The following DSCAML1 variants were observed in gnomAD, a reference collection of about 807,000 sequenced individuals.
The protein encoded by DSCAML1 is cell adhesion molecule DSCAML1.
In DSCAML1, 38 loss-of-function variants were observed where a neutral mutation model predicts 200.5. The ratio of observed to expected loss-of-function variants is 0.19; its 90% CI spans 0.15 to 0.25. The LOEUF is 0.25. Among genes scored for constraint, DSCAML1 ranks in the 10% least tolerant of loss-of-function variants. DSCAML1 has a pLI of 1.00. For synonymous variants in DSCAML1, 1,215 were observed against 1,165.0 expected (o/e 1.04, Z -0.87); for missense variants, 2,223 against 2,858.8 (o/e 0.78, Z 5.07).
Position 117,480,385 on chromosome 11 carries a change from C to T in DSCAML1, c.2785+58G>A. ...CTCCTCCCAGAGGGCACAGGCAGGACACGTGGCACAAGGGGCCATGGCAGG... is the reference window on the plus strand; with the variant it reads ...CTCCTCCCAGAGGGCACAGGCAGGATACGTGGCACAAGGGGCCATGGCAGG... On this transcript the variant is annotated intron_variant, in intron 14 of 32. Transcript: ENST00000651296. This position sits in a 1 kb window ranked among gnomAD's most constrained non-coding sequence, Gnocchi z 4.1. 1 of 1,603,856 alleles carries T rather than the reference C, an allele frequency of 6.2e-7. No homozygotes were observed. The highest frequency in any genetic ancestry group is 8.5e-7 in the Non-Finnish European group (1 of 1,175,062).
chr11:117,713,436 T>TTCCCA (rs1415855844), intron 3 of DSCAML1, among the ~76,000 whole-genome samples: 1 of 152,094 alleles, frequency 6.6e-6, no homozygotes, highest in Non-Finnish European at 1.5e-5. Context: ...TCTTGATAGC[T>TTCCCA]TCCCATCCCA....
intron 3 of DSCAML1, among the ~76,000 whole-genome samples, chr11:117,714,646 A>G (rs2053914795): frequency 1.3e-5 from 2 of 151,850 alleles, no homozygotes; most frequent in South Asian, 4.2e-4. Context: ...GTGAAACCCC[A>G]TCTCTACTGA....
rs556794199 is a variant in DSCAML1, at chr11:117,809,167, G to A, written c.-250+8223C>T. Among the ~76,000 whole-genome samples the A allele has an allele frequency of 1.5e-4, 23 of 152,368 alleles. No individual in the cohort carries two copies. In the South Asian group the frequency reaches 3.1e-3, roughly 21 times the overall value. ...CTCAGATTTAGGAGAGGCGACCTCA[G>A]GAGTTTGCCCTGAGACCCCAGGCTC... is the stretch of plus-strand genomic sequence containing the variant. On this transcript the variant is annotated intron_variant, in intron 1 of 2. Coordinates refer to the DSCAML1 transcript ENST00000525836.
chr11:117,732,298 C>A (rs1051751259), intron 3 of DSCAML1, among the ~76,000 whole-genome samples: 3 of 152,092 alleles, frequency 2.0e-5, no homozygotes, highest in African/African-American at 7.2e-5. Context: ...ACAAAGAGAC[C>A]AAGAAATGGG....
Position 117,593,711 on chromosome 11 carries a change from G to GT in DSCAML1, c.512-61190dup, listed in dbSNP as rs374196105. Among the ~76,000 whole-genome samples the GT allele has an allele frequency of 8.7e-3, 1,151 of 132,320 alleles. 7 individuals are homozygous for GT. Among genetic ancestry groups the GT allele is most frequent in the South Asian group, 0.022 (91 of 4,080 alleles). 86.8% of individuals were successfully genotyped at this position (132,320 alleles called of 152,430 possible). On this transcript the variant is annotated intron_variant, in intron 3 of 32. Transcript: ENST00000651296. ...TAGTATTGAACTCACTATATTTCTT[G>GT]TTTTTTTTTTTTTTTTTTGAGATGG...
chr11:117,569,371 G>A (rs1284603136), intron 3 of DSCAML1, among the ~76,000 whole-genome samples: 1 of 152,210 alleles, frequency 6.6e-6, no homozygotes, highest in East Asian at 1.9e-4. Context: ...TTGACAAATG[G>A]GATCTAATTA....
At chr11:117,542,319 A>AC (rs1387113573) in intron 3 of DSCAML1, among the ~76,000 whole-genome samples, 1 of 100,342 alleles carries the variant, frequency 1.0e-5, no homozygotes, top group African/African-American at 3.3e-5. Context: ...AAACAAAACA[A>AC]AACAAAACAC....
In DSCAML1 at chr11:117,769,460, A is replaced by T. The variant is rs1249759918; in HGVS notation, c.511+7331T>A. ...TATATAATATATATTTTATATATATAATATATATTTTATATATATAATATA... is the reference window on the plus strand; with the variant it reads ...TATATAATATATATTTTATATATATTATATATATTTTATATATATAATATA... On this transcript the variant is annotated intron_variant, in intron 3 of 32. Coordinates refer to ENST00000651296, the MANE Select transcript of DSCAML1 (RefSeq NM_020693.4). 3.7e-3 allele frequency among the ~76,000 whole-genome samples: 222 copies of T among 59,684 alleles called. 32 individuals are homozygous for T. Among genetic ancestry groups the T allele is most frequent in the African/African-American group, 0.018 (213 of 11,950 alleles). 39.2% of individuals were successfully genotyped at this position (59,684 alleles called of 152,430 possible).
At chr11:117,745,441 C>T (rs117373043) in intron 3 of DSCAML1, among the ~76,000 whole-genome samples, 22,562 of 152,042 alleles carry the variant, frequency 0.15, 2,155 homozygotes, top group East Asian at 0.29. Flanking sequence ...CAGGGTGGGG[C>T]GGGGGACAGG....
chr11:117,444,519 C>G (rs1239422857), intron 20 of DSCAML1, among the ~76,000 whole-genome samples: 2 of 152,208 alleles, frequency 1.3e-5, no homozygotes, highest in African/African-American at 2.4e-5. Context: ...ATTACCACTC[C>G]TGCATTTTGC....
chr11:117,554,843 CA>C (rs1263025548), intron 3 of DSCAML1, among the ~76,000 whole-genome samples: 1 of 152,166 alleles, frequency 6.6e-6, no homozygotes, highest in Non-Finnish European at 1.5e-5. Flanking sequence ...CCTTGTTAGA[CA>C]AGAAAAACAG....
intron 3 of DSCAML1, among the ~76,000 whole-genome samples, chr11:117,652,240 T>A (rs2052647368): frequency 6.6e-6 from 1 of 152,214 alleles, no homozygotes; most frequent in Non-Finnish European, 1.5e-5. Context: ...AGAATTAGTC[T>A]CCAGCGTGTT....
chr11:117,551,295 C>G (rs2050462683), intron 3 of DSCAML1, among the ~76,000 whole-genome samples: 1 of 152,228 alleles, frequency 6.6e-6, no homozygotes, highest in Non-Finnish European at 1.5e-5. Flanking sequence ...TCCCACTAAA[C>G]TCCAGCCAGG....
At chr11:117,614,881 G>A (rs1369154480) in intron 3 of DSCAML1, among the ~76,000 whole-genome samples, 1 of 152,214 alleles carries the variant, frequency 6.6e-6, no homozygotes, top group Non-Finnish European at 1.5e-5. Context: ...CCCTCACAGT[G>A]TGGCCAACAC....
chr11:117,443,889 T>C lies in DSCAML1; in HGVS notation c.3859A>G (p.Lys1287Glu). Reference protein sequence around the residue: ...SEKVTIEPAGKAPAKIISFGG... With the variant: ...SEKVTIEPAGEAPAKIISFGG... The stretch of plus-strand genomic sequence containing the variant: ...GCCACAGCCTCAGGCTTCTCACCCT[T>C]GCCAGCAGGCTCGATGGTCACCTTC... The change falls in exon 21 of 33, where the codon AAG (lysine) becomes GAG (glutamate). Residue 1287 changes from lysine (K) to glutamate (E), a missense_variant. By Grantham distance (56) the Lys-to-Glu change is moderately conservative (BLOSUM62 1). Transcript: ENST00000651296. 1 of 1,603,272 alleles carries C rather than the reference T, an allele frequency of 6.2e-7. No homozygotes were observed. Among genetic ancestry groups the C allele is most frequent in the Non-Finnish European group, 8.5e-7 (1 of 1,175,492 alleles).
chr11:117,564,772 TC>T (rs1386212650), intron 3 of DSCAML1, among the ~76,000 whole-genome samples: 1 of 148,856 alleles, frequency 6.7e-6, no homozygotes, highest in Non-Finnish European at 1.5e-5. Context: ...TTTCTTTCTT[TC>T]TTCTTTCTTT....
At chr11:117,481,020 A>AGGGCAGGT (rs1170588650) in intron 13 of DSCAML1, among the ~76,000 whole-genome samples, 154 bp downstream of exon 13, 13 of 152,098 alleles carry the variant, frequency 8.5e-5, no homozygotes, top group African/African-American at 2.9e-4. Flanking sequence ...TCTGGGCAGG[A>AGGGCAGGT]GGGCAGGTGG....
intron 11 of DSCAML1, among the ~76,000 whole-genome samples, chr11:117,487,624 G>A (rs886066498): frequency 6.6e-6 from 1 of 152,172 alleles, no homozygotes; most frequent in African/African-American, 2.4e-5. Context: ...TACAAGCTCA[G>A]GTTATCTGTT....
chr11:117,668,051 C>T (rs593380), intron 3 of DSCAML1, among the ~76,000 whole-genome samples: 93,471 of 152,108 alleles, frequency 0.61, 29,117 homozygotes, highest in East Asian at 0.89. Context: ...ACACATGGTC[C>T]CCTTTATTCC....
Sources: gnomAD v4.1 joint callset for allele counts (sites outside exome capture counted in the v4.1 genomes callset) on GRCh38, gnomAD v4.1.1 for gene constraint, Gnocchi (gnomAD v3.1) non-coding constraint, MANE v1.5 for transcripts, NCBI Gene and HGNC (gene_info 2026-07-23, HGNC 2026-07-21) for gene names.